The following MCC variants were observed in gnomAD, a reference collection of about 807,000 sequenced individuals.
MCC encodes colorectal mutant cancer protein.
A neutral mutation model predicts 116.2 loss-of-function variants in MCC; 90 were observed. The observed-to-expected ratio is 0.77, with a 90% CI of 0.65 to 0.92. The LOEUF (loss-of-function observed/expected upper bound fraction) is 0.92, where lower values mean the gene tolerates loss of function less well. MCC is among the 40% of genes least tolerant of loss of function. MCC has a pLI of 0.00. For missense variants in MCC, 1,516 were observed against 1,312.2 expected, an observed-to-expected ratio of 1.16 and a Z score of -2.40; for synonymous variants, 578 against 510.5, an observed-to-expected ratio of 1.13 and a Z score of -1.78.
At chr5:113,196,541 C>G (rs1762417981) in intron 3 of MCC, among the ~76,000 whole-genome samples, 1 of 152,188 alleles carries the variant, frequency 6.6e-6, no homozygotes, top group African/African-American at 2.4e-5. Context: ...ATAAGGGCTA[C>G]TTACCAATGT....
At chr5:113,293,461 C>G (rs1309624963) in intron 3 of MCC, among the ~76,000 whole-genome samples, 1 of 152,178 alleles carries the variant, frequency 6.6e-6, no homozygotes, top group South Asian at 2.1e-4. Flanking sequence ...AGACACCAAG[C>G]CTCTAGCTGT....
chr5:113,049,086 G>C lies in MCC; in HGVS notation c.2655+7C>G. 6.2e-7 allele frequency: 1 copy of C among 1,614,082 alleles called. No individual in the cohort carries two copies. Among genetic ancestry groups the C allele is most frequent in the Non-Finnish European group, 8.5e-7 (1 of 1,179,982 alleles). ...CTAAGGGTGTCCCCAAGCCACTCCG[G>C]CCCTACCTTGCCAGGTTTGTCTTTG... On this transcript the variant is annotated splice_region_variant and intron_variant, in intron 16 of 18. Coordinates refer to ENST00000408903, the MANE Select transcript of MCC (RefSeq NM_001085377.2).
In MCC at chr5:113,085,250, G is replaced by A. The variant is rs756871725; in HGVS notation, c.1459C>T (p.Arg487Cys). ...VQATGPSSPG[R>C]LTSTNRPINP... ...ATCGGGCGGTTGGTGGAAGTGAGGC[G>A]GCCAGGGCTGGAGGGACCTGTGGCC... Residue 487 changes from arginine to cysteine, a missense_variant, in exon 9 of 19, where the codon CGC (arginine) becomes TGC (cysteine). Coordinates refer to ENST00000408903, the MANE Select transcript of MCC (RefSeq NM_001085377.2). The A allele has an allele frequency of 1.9e-5, 31 of 1,614,032 alleles. No homozygotes were observed. The highest frequency in any genetic ancestry group is 2.7e-5 in the African/African-American group (2 of 74,900).
intron 1 of MCC, among the ~76,000 whole-genome samples, chr5:113,427,026 C>T (rs1266249469): frequency 1.3e-5 from 2 of 152,106 alleles, no homozygotes; most frequent in Non-Finnish European, 2.9e-5. Flanking sequence ...TGTCTTATCA[C>T]ATCCTAATTG....
chr5:113,195,183 T>C (rs968992031), intron 3 of MCC, among the ~76,000 whole-genome samples: 3 of 152,198 alleles, frequency 2.0e-5, no homozygotes, highest in Non-Finnish European at 2.9e-5. Flanking sequence ...GCAATGGACC[T>C]CGTGAGGGGG....
intron 1 of MCC, among the ~76,000 whole-genome samples, chr5:113,410,339 A>G (rs1165924147): frequency 1.3e-5 from 2 of 152,242 alleles, no homozygotes; most frequent in Non-Finnish European, 1.5e-5. Flanking sequence ...CACTATATAG[A>G]TATAACATAA....
chr5:113,215,813 G>T (rs143189603), intron 3 of MCC, among the ~76,000 whole-genome samples: 1 of 152,244 alleles, frequency 6.6e-6, no homozygotes, highest in East Asian at 1.9e-4. Flanking sequence ...TTCACTACGA[G>T]AGAGCCTCAG....
At chr5:113,345,596 G>A (rs1335851715) in intron 2 of MCC, among the ~76,000 whole-genome samples, 2 of 152,236 alleles carry the variant, frequency 1.3e-5, no homozygotes, top group Non-Finnish European at 2.9e-5. Flanking sequence ...TTGGGAGAAA[G>A]TAAGGGAAAA....
chr5:113,117,471 A>G (rs564230517), intron 6 of MCC, among the ~76,000 whole-genome samples: 2 of 152,354 alleles, frequency 1.3e-5, no homozygotes, highest in African/African-American at 4.8e-5. Context: ...CTAAGGGTAT[A>G]AACCTCAACC....
chr5:113,330,836 G>A (rs1481196729), intron 3 of MCC, among the ~76,000 whole-genome samples: 1 of 152,128 alleles, frequency 6.6e-6, no homozygotes, highest in Non-Finnish European at 1.5e-5. Context: ...AACCTCTGTT[G>A]AACTATCCAA....
At chr5:113,151,756 C>T (rs75199794) in intron 3 of MCC, among the ~76,000 whole-genome samples, 1 of 152,286 alleles carries the variant, frequency 6.6e-6, no homozygotes, top group East Asian at 1.9e-4. Context: ...GTGGAGCTGC[C>T]TGATTCTAAT....
intron 3 of MCC, among the ~76,000 whole-genome samples, chr5:113,248,742 A>G (rs1764666573): frequency 6.6e-6 from 1 of 151,910 alleles, no homozygotes; most frequent in Non-Finnish European, 1.5e-5. Flanking sequence ...TAGGGTTTTG[A>G]TATAAGATTC....
chr5:113,168,766 A>G (rs1416191931), intron 3 of MCC, among the ~76,000 whole-genome samples: 1 of 152,036 alleles, frequency 6.6e-6, no homozygotes, highest in Non-Finnish European at 1.5e-5. Flanking sequence ...AACAGGGGCA[A>G]CAGATCTGAG....
Position 113,218,083 on chromosome 5 carries a change from G to A in MCC, c.628-66661C>T, listed in dbSNP as rs142570663. Among the ~76,000 whole-genome samples, 279 of 147,592 alleles carry A rather than the reference G, an allele frequency of 1.9e-3. 1 individual carries two copies. Among genetic ancestry groups the A allele is most frequent in the African/African-American group, 6.8e-3 (268 of 39,370 alleles). On this transcript the variant is annotated intron_variant, in intron 3 of 18. Transcript: ENST00000408903. ...CATCTGGCTCTTAAGAAGCCAGAAG[G>A]ATGGTTGCACGGGGGTGGGGGTGAG...
chr5:113,434,754 G>A lies in MCC; in HGVS notation c.171-49542C>T, dbSNP rs778832320. ...ATTGAACTTCAGGCGCTCAGAGTAA[G>A]CAGATTTTACTTTTGCATAGGAGCC... is the stretch of plus-strand genomic sequence containing the variant. On this transcript the variant is annotated intron_variant, in intron 1 of 18. Coordinates refer to ENST00000408903, the MANE Select transcript of MCC (RefSeq NM_001085377.2). The surrounding 1 kb of genome is among the most constrained non-coding windows in gnomAD (Gnocchi z 4.2). 7.4e-6 allele frequency: 12 copies of A among 1,613,958 alleles called. No homozygotes were observed. The highest frequency in any genetic ancestry group is 2.2e-5 in the East Asian group (1 of 44,896).
chr5:113,126,523 A>G (rs1758061662), intron 5 of MCC, among the ~76,000 whole-genome samples: 1 of 152,182 alleles, frequency 6.6e-6, no homozygotes, highest in Non-Finnish European at 1.5e-5. Flanking sequence ...ATATTTGACA[A>G]TTTTCTGGAA....
intron 3 of MCC, among the ~76,000 whole-genome samples, chr5:113,300,529 T>G (rs774895724): frequency 6.6e-6 from 1 of 152,166 alleles, no homozygotes; most frequent in Non-Finnish European, 1.5e-5. Flanking sequence ...AATTCTTAAA[T>G]TGGTGGGATT....
At chr5:113,049,329 G>C in intron 15 of MCC, 30 bp from the exon 16 acceptor site, 1 of 1,524,408 alleles carries the variant, frequency 6.6e-7, no homozygotes, top group Admixed American at 2.0e-5. Flanking sequence ...GAGCACATGA[G>C]GCATGCCCTA....
At chr5:113,198,706 CAAA>C (rs530273754) in intron 3 of MCC, among the ~76,000 whole-genome samples, 15 of 99,896 alleles carry the variant, frequency 1.5e-4, no homozygotes, top group East Asian at 3.0e-4. Context: ...ACCCCCACCT[CAAA>C]AAAAAAAAAA....
Sources: allele counts gnomAD v4.1 joint callset (sites outside exome capture counted in the v4.1 genomes callset), GRCh38; gene constraint gnomAD v4.1.1; non-coding constraint Gnocchi (gnomAD v3.1); transcripts MANE v1.5; gene names NCBI Gene and HGNC (gene_info 2026-07-23, HGNC 2026-07-21).